Variants in CUL1 observed in about 807,000 individuals in gnomAD.
CUL1 encodes the protein cullin 1, also known as cullin-1.
In CUL1, 24 loss-of-function variants were observed where a neutral mutation model predicts 118.0. The ratio of observed to expected loss-of-function variants is 0.20; its 90% CI spans 0.15 to 0.29. The LOEUF is 0.29. Among genes scored for constraint, CUL1 ranks in the 10% least tolerant of loss-of-function variants. The probability of loss-of-function intolerance (pLI) is 1.00; values close to 1 mark genes in which losing one functional copy is unlikely to be tolerated. For missense variants in CUL1, 361 were observed against 933.8 expected, an observed-to-expected ratio of 0.39 and a Z score of 7.99; for synonymous variants, 332 against 340.4, an observed-to-expected ratio of 0.98 and a Z score of 0.27.
At chr7:148,741,817 T>G (rs1001116796) in intron 2 of CUL1, among the ~76,000 whole-genome samples, 2 of 152,244 alleles carry the variant, frequency 1.3e-5, no homozygotes, top group African/African-American at 4.8e-5. Context: ...CAAGTGATTC[T>G]CCTGCCTCAG....
intron 17 of CUL1, among the ~76,000 whole-genome samples, chr7:148,793,795 A>G (rs1402277238): frequency 6.6e-6 from 1 of 152,232 alleles, no homozygotes; most frequent in Admixed American, 6.5e-5. Flanking sequence ...TGAGTCATGT[A>G]ATAGCTGAAT....
At chr7:148,714,987 G>T (rs1798167867) in intron 1 of CUL1, among the ~76,000 whole-genome samples, 1 of 152,168 alleles carries the variant, frequency 6.6e-6, no homozygotes, top group African/African-American at 2.4e-5. Context: ...ATGGGCCCAA[G>T]CCCTCCTCCT....
intron 9 of CUL1, among the ~76,000 whole-genome samples, chr7:148,774,350 A>C (rs552600558): frequency 1.9e-4 from 29 of 152,338 alleles, no homozygotes; most frequent in African/African-American, 5.8e-4. Context: ...CATCATCAGC[A>C]GTACACTCAC....
chr7:148,707,362 C>T (rs1255112327), intron 1 of CUL1, among the ~76,000 whole-genome samples: 1 of 151,970 alleles, frequency 6.6e-6, no homozygotes, highest in Non-Finnish European at 1.5e-5. Flanking sequence ...CACCCTAGTC[C>T]TTGTTTAAAT....
intron 9 of CUL1, among the ~76,000 whole-genome samples, chr7:148,781,428 C>T (rs1741982826): frequency 6.6e-6 from 1 of 152,154 alleles, no homozygotes; most frequent in Admixed American, 6.5e-5. Flanking sequence ...CATGCAAGTC[C>T]TCCCATCTCA....
At chr7:148,725,219 GCTCACACACACACA>G (rs1798534749) in intron 1 of CUL1, among the ~76,000 whole-genome samples, 3 of 140,060 alleles carry the variant, frequency 2.1e-5, no homozygotes, top group African/African-American at 5.7e-5. Context: ...ACACGCGCGC[GCTCACACACACACA>G]CACACACACA....
intron 1 of CUL1, among the ~76,000 whole-genome samples, chr7:148,700,305 C>G (rs561125050): frequency 6.6e-6 from 1 of 152,290 alleles, no homozygotes; most frequent in East Asian, 1.9e-4. Flanking sequence ...TTTTTTACTT[C>G]AAGCCATGAG....
At chr7:148,786,301 T>C (rs1322784353) in intron 11 of CUL1, among the ~76,000 whole-genome samples, 1 of 152,250 alleles carries the variant, frequency 6.6e-6, no homozygotes, top group Admixed American at 6.5e-5. Flanking sequence ...TGGAAATGTT[T>C]TATAAATATC....
intron 9 of CUL1, among the ~76,000 whole-genome samples, chr7:148,779,124 T>G (rs1472439936): frequency 6.6e-6 from 1 of 152,218 alleles, no homozygotes; most frequent in Non-Finnish European, 1.5e-5. Context: ...TATGTGAGAC[T>G]CTTAACGTGA....
rs780385067 is a variant in CUL1 at position 148,787,051 on chromosome 7, C to T, written c.1410C>T (p.Leu470=). The stretch of plus-strand genomic sequence containing the variant: ...TTCAGAAGTTCTATGCGAAGATGCT[C>T]GCCAAGAGGCTCGTCCACCAGAACA... ...DVFQKFYAKM[L]AKRLVHQNSA... Residue 470 remains leucine, a synonymous_variant, in exon 13 of 22, where the codon CTC becomes CTT. Transcript: ENST00000325222. The surrounding 1 kb of genome is among the most constrained non-coding windows in gnomAD (Gnocchi z 5.5). 20 of 1,613,598 alleles carry T rather than the reference C, an allele frequency of 1.2e-5. No individual in the cohort carries two copies. The highest frequency in any genetic ancestry group is 4.5e-5 in the East Asian group (2 of 44,892).
chr7:148,758,780 G>T (rs1196514885), intron 4 of CUL1, among the ~76,000 whole-genome samples: 1 of 151,948 alleles, frequency 6.6e-6, no homozygotes, highest in Non-Finnish European at 1.5e-5. Flanking sequence ...TTTGATTTGG[G>T]GTTTTTGTGC....
intron 4 of CUL1, 36 bp from the exon 5 acceptor site, chr7:148,759,268 T>G: frequency 1.3e-6 from 2 of 1,589,612 alleles, no homozygotes; most frequent in Non-Finnish European, 1.7e-6. Context: ...AAAAACATGG[T>G]AAAAGTATAG....
chr7:148,790,292 T>C lies in CUL1; in HGVS notation c.1675-18T>C. ...GTGGTGAGATCTGTATTCCATATAA[T>C]GCTGTCCTTTTATCTAGTTGGAACG... On this transcript the variant is annotated intron_variant, in intron 15 of 21. Transcript: ENST00000325222. 6.2e-7 allele frequency: 1 copy of C among 1,613,884 alleles called. No individual in the cohort carries two copies. The highest frequency in any genetic ancestry group is 1.1e-5 in the South Asian group (1 of 91,074).
Position 148,800,636 on chromosome 7 carries a change from A to C in CUL1, c.*54A>C, listed in dbSNP as rs902902250. 23 of 1,442,570 alleles carry C rather than the reference A, an allele frequency of 1.6e-5. No individual in the cohort carries two copies. The highest frequency in any genetic ancestry group is 9.4e-5 in the South Asian group (8 of 84,838). 89.4% of individuals were successfully genotyped at this position (1,442,570 alleles called of 1,614,324 possible). A position where few individuals can be genotyped will look rare whatever the true frequency, so the allele number is the denominator to read the frequency against. ...CCGCAGCAAATAGTTCATGTTGGAA[A>C]GAATGAAAACAACTCAAGTTCATAG... On this transcript the variant is annotated 3_prime_UTR_variant, in exon 22 of 22. Coordinates refer to ENST00000325222, the MANE Select transcript of CUL1 (RefSeq NM_003592.3). The surrounding 1 kb of genome is among the most constrained non-coding windows in gnomAD (Gnocchi z 4.6).
intron 2 of CUL1, among the ~76,000 whole-genome samples, chr7:148,744,372 T>C (rs1799239955): frequency 6.6e-6 from 1 of 151,586 alleles, no homozygotes; most frequent in Non-Finnish European, 1.5e-5. Context: ...AGTTCCTTTT[T>C]AATATATTTG....
intron 1 of CUL1, among the ~76,000 whole-genome samples, chr7:148,713,907 A>G (rs28639748): frequency 0.031 from 4,657 of 152,230 alleles, 202 homozygotes; most frequent in African/African-American, 0.096. Context: ...TATTTTTAGT[A>G]GAGATGGGGT....
Position 148,760,337 on chromosome 7 carries a change from A to G in CUL1, c.630A>G (p.Glu210=). The G allele has an allele frequency of 6.2e-7, 1 of 1,600,168 alleles. No homozygotes were observed. The highest frequency in any genetic ancestry group is 8.5e-7 in the Non-Finnish European group (1 of 1,175,320). The change falls in exon 7 of 22, where the codon GAA becomes GAG. Residue 210 remains glutamate (E), a synonymous_variant. Transcript: ENST00000325222. ...LISGVVQSYV[E]LGLNEDDAFA... ...ATAGCTCATATTCATTTCTAGTGGA[A>G]TTGGGGCTGAATGAAGATGATGCAT...
At chr7:148,776,595 G>C (rs1800409697) in intron 9 of CUL1, among the ~76,000 whole-genome samples, 1 of 151,900 alleles carries the variant, frequency 6.6e-6, no homozygotes, top group African/African-American at 2.4e-5. Flanking sequence ...GGGATTACAG[G>C]TGTGATCCAC....
intron 9 of CUL1, among the ~76,000 whole-genome samples, chr7:148,770,404 G>GT (rs1231279999): frequency 1.3e-5 from 2 of 152,192 alleles, no homozygotes; most frequent in East Asian, 3.8e-4. Context: ...TTTTTAGTAA[G>GT]TTACTGATTC....
Sources: gnomAD v4.1 joint callset for allele counts (sites outside exome capture counted in the v4.1 genomes callset) on GRCh38, gnomAD v4.1.1 for gene constraint, Gnocchi (gnomAD v3.1) non-coding constraint, MANE v1.5 for transcripts, NCBI Gene and HGNC (gene_info 2026-07-23, HGNC 2026-07-21) for gene names.